BMPR1B: variants seen among roughly 807,000 people sequenced by gnomAD.
BMPR1B encodes bone morphogenetic protein receptor type 1B.
In BMPR1B, 12 loss-of-function variants were observed where a neutral mutation model predicts 59.1. That is an observed-to-expected ratio of 0.20 (90% CI 0.13 to 0.33). The LOEUF (loss-of-function observed/expected upper bound fraction) is 0.33, where lower values mean the gene tolerates loss of function less well. Ranked by LOEUF, BMPR1B falls within the 10% of genes least tolerant of loss-of-function variation. The pLI is 1.00. For missense variants in BMPR1B, 550 were observed against 610.9 expected (o/e 0.90, Z 1.05); for synonymous variants, 237 against 207.3 (o/e 1.14, Z -1.23).
intron 2 of BMPR1B, among the ~76,000 whole-genome samples, chr4:94,935,688 A>G (rs1402687916): frequency 6.6e-6 from 1 of 152,220 alleles, no homozygotes; most frequent in Admixed American, 6.5e-5. Flanking sequence ...AAATGGTGAT[A>G]TGGTAGCCTT....
intron 4 of BMPR1B, among the ~76,000 whole-genome samples, chr4:95,107,320 G>T (rs1731261329): frequency 6.6e-6 from 1 of 152,030 alleles, no homozygotes; most frequent in Admixed American, 6.6e-5. Flanking sequence ...ATGGCAATCA[G>T]ATTTATAGAC....
At chr4:94,764,676 A>G (rs1721903290) in intron 1 of BMPR1B, among the ~76,000 whole-genome samples, 1 of 152,136 alleles carries the variant, frequency 6.6e-6, no homozygotes, top group African/African-American at 2.4e-5. Flanking sequence ...ACCCCAAATT[A>G]TATGCTTCTG....
intron 3 of BMPR1B, among the ~76,000 whole-genome samples, chr4:95,029,539 T>C (rs2149152479): frequency 6.6e-6 from 1 of 152,158 alleles, no homozygotes; most frequent in East Asian, 1.9e-4. Context: ...GCTATAATAG[T>C]CTTTGTGGAA....
At position 95,071,648 on chromosome 4, in the gene BMPR1B, G is replaced by GTATATATA. The variant is rs1553933769; in HGVS notation, c.-17-32759_-17-32758insATATATAT. ...TATGTGTGTTTGTGTGTGTGTGTGT[G>GTATATATA]TGTGTATATATATATATATATATAT... On this transcript the variant is annotated intron_variant, in intron 3 of 12. Transcript: ENST00000515059. 5.2e-3 allele frequency among the ~76,000 whole-genome samples: 543 copies of GTATATATA among 104,638 alleles called. 8 individuals are homozygous for GTATATATA. The highest frequency in any genetic ancestry group is 0.02 in the African/African-American group (494 of 25,046). 68.6% of individuals were successfully genotyped at this position (104,638 alleles called of 152,430 possible).
chr4:95,088,268 T>A (rs1184481504), intron 3 of BMPR1B, among the ~76,000 whole-genome samples: 2 of 152,166 alleles, frequency 1.3e-5, no homozygotes, highest in Non-Finnish European at 2.9e-5. Context: ...AGAGTCTCCA[T>A]GTCATAACTA....
At chr4:94,972,829 G>A (rs1423938860) in intron 2 of BMPR1B, among the ~76,000 whole-genome samples, 1 of 152,142 alleles carries the variant, frequency 6.6e-6, no homozygotes, top group African/African-American at 2.4e-5. Context: ...AATTATTATG[G>A]TAATGAAGCA....
intron 2 of BMPR1B, among the ~76,000 whole-genome samples, chr4:94,926,925 T>C (rs1039531980): frequency 1.3e-5 from 2 of 152,170 alleles, no homozygotes; most frequent in Admixed American, 6.6e-5. Context: ...TGCATGTTTT[T>C]TCTTTGGTAG....
intron 2 of BMPR1B, among the ~76,000 whole-genome samples, chr4:94,938,562 G>A (rs1474222940): frequency 6.6e-6 from 1 of 152,098 alleles, no homozygotes; most frequent in Admixed American, 6.5e-5. Flanking sequence ...TTCCTATCTG[G>A]TCCTTGGATT....
At chr4:94,785,013 A>G (rs889864290) in intron 1 of BMPR1B, among the ~76,000 whole-genome samples, 1 of 152,200 alleles carries the variant, frequency 6.6e-6, no homozygotes, top group Non-Finnish European at 1.5e-5. Flanking sequence ...TTAATACAAG[A>G]AAGTTATGCT....
chr4:95,089,075 T>C (rs1729796836), intron 3 of BMPR1B, among the ~76,000 whole-genome samples: 2 of 152,184 alleles, frequency 1.3e-5, no homozygotes, highest in African/African-American at 4.8e-5. Flanking sequence ...ATTAGTATTA[T>C]GATTGTTTGG....
At chr4:95,061,740 A>T (rs1244650235) in intron 3 of BMPR1B, among the ~76,000 whole-genome samples, 1 of 152,148 alleles carries the variant, frequency 6.6e-6, no homozygotes, top group Non-Finnish European at 1.5e-5. Context: ...ATTTGGCCTT[A>T]GGATTGTTGT....
At chr4:94,812,108 C>G (rs1723839783) in intron 1 of BMPR1B, among the ~76,000 whole-genome samples, 1 of 152,058 alleles carries the variant, frequency 6.6e-6, no homozygotes, top group Non-Finnish European at 1.5e-5. Context: ...GTTTTATATT[C>G]TTATTCATTA....
chr4:94,800,190 T>C (rs143510634), intron 1 of BMPR1B, among the ~76,000 whole-genome samples: 96 of 152,338 alleles, frequency 6.3e-4, no homozygotes, highest in African/African-American at 2.2e-3. Flanking sequence ...CCTCATTGGC[T>C]AGATTAAGCC....
At chr4:95,107,491 T>C (rs1050268897) in intron 4 of BMPR1B, among the ~76,000 whole-genome samples, 3 of 152,022 alleles carry the variant, frequency 2.0e-5, no homozygotes, top group African/African-American at 7.2e-5. Flanking sequence ...ATGGAATCCC[T>C]CAAAAGAACA....
intron 1 of BMPR1B, among the ~76,000 whole-genome samples, chr4:94,817,894 T>C (rs1029323685): frequency 6.6e-6 from 1 of 152,232 alleles, no homozygotes. Flanking sequence ...CAAACTCATG[T>C]TGAGGTGGCA....
chr4:95,108,426 T>C (rs868099285), intron 4 of BMPR1B, among the ~76,000 whole-genome samples: 2 of 152,218 alleles, frequency 1.3e-5, no homozygotes, highest in South Asian at 4.1e-4. Context: ...GTAGGTTTCA[T>C]GTTCATTATC....
intron 1 of BMPR1B, among the ~76,000 whole-genome samples, chr4:94,812,995 CT>C (rs34150265): frequency 0.27 from 40,739 of 148,420 alleles, 6,428 homozygotes; most frequent in African/African-American, 0.45. Flanking sequence ...ATAGTTTAAG[CT>C]TTTTTTTTTT....
intron 10 of BMPR1B, among the ~76,000 whole-genome samples, chr4:95,143,394 A>G (rs1169586228): frequency 6.6e-6 from 1 of 152,190 alleles, no homozygotes; most frequent in Non-Finnish European, 1.5e-5. Context: ...CTTCCCTGGC[A>G]CCTTCAGAGG....
chr4:94,816,665 T>C (rs1724021511), intron 1 of BMPR1B, among the ~76,000 whole-genome samples: 1 of 152,064 alleles, frequency 6.6e-6, no homozygotes, highest in Non-Finnish European at 1.5e-5. Context: ...ACTTCTTAAT[T>C]AAAAAAATCT....
Sources: gnomAD v4.1 joint callset for allele counts (sites outside exome capture counted in the v4.1 genomes callset) on GRCh38, gnomAD v4.1.1 for gene constraint, MANE v1.5 for transcripts, NCBI Gene and HGNC (gene_info 2026-07-23, HGNC 2026-07-21) for gene names.